MOB3A: variants seen among roughly 807,000 people sequenced by gnomAD.
MOB3A encodes MOB LAK.
Under a neutral mutation model 17.8 loss-of-function variants are expected in MOB3A, and 17 were observed. The observed-to-expected ratio is 0.95, with a 90% CI of 0.65 to 1.43. MOB3A has a LOEUF of 1.43. Among genes scored for constraint, MOB3A ranks in the 40% most tolerant of loss-of-function variants. The pLI is 0.00. For missense variants in MOB3A, 333 were observed against 310.8 expected (o/e 1.07, Z -0.54); for synonymous variants, 124 against 133.2 (o/e 0.93, Z 0.48).
At chr19:2,087,960 G>A (rs1277725996) in intron 1 of MOB3A, among the ~76,000 whole-genome samples, 1 of 152,252 alleles carries the variant, frequency 6.6e-6, no homozygotes, top group East Asian at 1.9e-4. Context: ...CAGGAGCCAT[G>A]CTCTGAGCCC....
chr19:2,085,042 T>C (rs940048255), intron 2 of MOB3A, 133 bp downstream of exon 2: 1 of 152,102 alleles, frequency 6.6e-6, no homozygotes, highest in African/African-American at 2.4e-5. Flanking sequence ...GCGTTTTCTA[T>C]CAGGAACAAA....
intron 4 of MOB3A, among the ~76,000 whole-genome samples, chr19:2,075,175 C>A (rs1039126387): frequency 4.6e-5 from 7 of 152,182 alleles, no homozygotes; most frequent in African/African-American, 1.4e-4. Flanking sequence ...ACCACAGGCA[C>A]GCACCACTGT....
intron 4 of MOB3A, among the ~76,000 whole-genome samples, chr19:2,075,020 A>G (rs1297495614): frequency 6.9e-6 from 1 of 145,620 alleles, no homozygotes; most frequent in African/African-American, 2.5e-5. Context: ...CCGGGCCTTA[A>G]TCTTTTCTTT....
chr19:2,090,869 A>G (rs1479955721), intron 1 of MOB3A, among the ~76,000 whole-genome samples: 2 of 152,126 alleles, frequency 1.3e-5, no homozygotes, highest in African/African-American at 4.8e-5. Flanking sequence ...TCACCGTGTT[A>G]GTCAGGATGG....
rs2017359204 is a variant in MOB3A at position 2,073,090 on chromosome 19, C to A, written c.*305G>T. 1 of 476,862 alleles carries A rather than the reference C, an allele frequency of 2.1e-6. No individual in the cohort carries two copies. The highest frequency in any genetic ancestry group is 2.0e-5 in the African/African-American group (1 of 50,660). 29.5% of individuals were successfully genotyped at this position (476,862 alleles called of 1,614,324 possible). A position where few individuals can be genotyped will look rare whatever the true frequency, so the allele number is the denominator to read the frequency against. ...CCAGGGCAAGGAGTGACCCTGGAAG[C>A]CATCCAGCCTCCTGGAAAGTGGAAG... On this transcript the variant is annotated 3_prime_UTR_variant, in exon 5 of 5. Coordinates refer to ENST00000357066, the MANE Select transcript of MOB3A (RefSeq NM_130807.3).
At chr19:2,076,259 CCT>C (rs1168397925) in intron 4 of MOB3A, among the ~76,000 whole-genome samples, 2 of 150,718 alleles carry the variant, frequency 1.3e-5, no homozygotes, top group Admixed American at 6.6e-5. Flanking sequence ...GGTGAAACCC[CCT>C]CTCTCCTAAA....
chr19:2,077,187 G>A (rs530260093), intron 3 of MOB3A, among the ~76,000 whole-genome samples, 174 bp from the exon 4 acceptor site: 2 of 152,268 alleles, frequency 1.3e-5, no homozygotes, highest in African/African-American at 2.4e-5. Context: ...GATCACTTGA[G>A]GTCTGGAGTT....
chr19:2,073,551 A>C, intron 4 of MOB3A, 127 bp from the exon 5 acceptor site: 1 of 1,221,466 alleles, frequency 8.2e-7, no homozygotes, highest in Non-Finnish European at 1.2e-6. Context: ...CACCCAAACA[A>C]CAAAAACCAC....
Position 2,093,114 on chromosome 19 carries a change from C to G in MOB3A, c.-274+3112G>C, listed in dbSNP as rs1358859591. Among the ~76,000 whole-genome samples the G allele has an allele frequency of 6.6e-5, 10 of 152,118 alleles. No homozygotes were observed. Among genetic ancestry groups the G allele is most frequent in the South Asian group, 6.2e-4 (3 of 4,826 alleles). On this transcript the variant is annotated intron_variant, in intron 1 of 4. Coordinates refer to ENST00000357066, the MANE Select transcript of MOB3A (RefSeq NM_130807.3). The surrounding 1 kb of genome is among the most constrained non-coding windows in gnomAD (Gnocchi z 4.6). ...GCTGTGTGGGGAATTTTTCTGAAACCTCCACCATCAGGTCCCTAAGGTGGG... is the reference window on the plus strand; with the variant it reads ...GCTGTGTGGGGAATTTTTCTGAAACGTCCACCATCAGGTCCCTAAGGTGGG...
intron 2 of MOB3A, among the ~76,000 whole-genome samples, chr19:2,081,339 G>T (rs575451120): frequency 6.6e-6 from 1 of 152,182 alleles, no homozygotes; most frequent in Non-Finnish European, 1.5e-5. Context: ...TGTAATCCCG[G>T]CACTTTGGGA....
chr19:2,077,004 A>G lies in MOB3A; in HGVS notation c.431T>C (p.Phe144Ser), dbSNP rs1568251741. 2 of 1,613,052 alleles carry G rather than the reference A, an allele frequency of 1.2e-6. No individual in the cohort carries two copies. The highest frequency in any genetic ancestry group is 8.5e-7 in the Non-Finnish European group (1 of 1,179,738). ...DLFPTNVGTP[F>S]PKNFLQTVRK... The stretch of plus-strand genomic sequence containing the variant: ...CACCGTCTGCAGGAAGTTCTTGGGA[A>G]ACGGAGTGCCTGCAGGGAGAGGGGT... Residue 144 changes from phenylalanine (F) to serine (S), a missense_variant, in exon 4 of 5, where the codon TTT becomes TCT. By Grantham distance (155) the Phe-to-Ser change is radical. Transcript: ENST00000357066.
rs547088746 is a variant in MOB3A, at chr19:2,080,636, A to T, written c.-119-1957T>A. 1.1e-4 allele frequency among the ~76,000 whole-genome samples: 16 copies of T among 152,198 alleles called. No individual in the cohort carries two copies. The South Asian group carries it at 2.7e-3, about 26-fold the overall frequency. The stretch of plus-strand genomic sequence containing the variant: ...ATCTGATCCGCCCACCTTGGCCTCC[A>T]AAGTGCTGGGATTGCAAGCGAGCAC... On this transcript the variant is annotated intron_variant, in intron 2 of 4. Transcript: ENST00000357066.
intron 2 of MOB3A, among the ~76,000 whole-genome samples, chr19:2,084,901 T>TA (rs1193000975): frequency 6.6e-6 from 1 of 151,964 alleles, no homozygotes; most frequent in East Asian, 1.9e-4. Context: ...GTTTTTTTTT[T>TA]ATTTAGAGAC....
In MOB3A at chr19:2,085,313, T is replaced by C. The variant is rs2017539769; in HGVS notation, c.-258A>G. 6.6e-6 allele frequency: 1 copy of C among 151,652 alleles called. No individual in the cohort carries two copies. Among genetic ancestry groups the C allele is most frequent in the South Asian group, 2.1e-4 (1 of 4,792 alleles). 9.4% of individuals were successfully genotyped at this position (151,652 alleles called of 1,614,324 possible). A position where few individuals can be genotyped will look rare whatever the true frequency, so the allele number is the denominator to read the frequency against. On this transcript the variant is annotated 5_prime_UTR_variant, in exon 2 of 5. Coordinates refer to ENST00000357066, the MANE Select transcript of MOB3A (RefSeq NM_130807.3). ...GGTCTTCCCACGGACGAGACACAAG[T>C]GACCCTTGGAAACTTCTAGAGAAAT...
intron 3 of MOB3A, 76 bp downstream of exon 3, chr19:2,078,064 G>A (rs529684102): frequency 1.9e-4 from 261 of 1,409,944 alleles, no homozygotes; most frequent in Non-Finnish European, 2.3e-4. Flanking sequence ...CATTACGGGT[G>A]TGAGCCACTG....
At chr19:2,084,228 C>T (rs1406064691) in intron 2 of MOB3A, 1 of 459,764 alleles carries the variant, frequency 2.2e-6, no homozygotes, top group Non-Finnish European at 4.4e-6. Context: ...CGAGGTGGCT[C>T]ATGCCTGTAA....
chr19:2,089,398 G>A (rs916811859), intron 1 of MOB3A, among the ~76,000 whole-genome samples: 4 of 152,170 alleles, frequency 2.6e-5, no homozygotes, highest in African/African-American at 7.2e-5. Flanking sequence ...GGACATCGGC[G>A]TGGGTCACTC....
intron 1 of MOB3A, among the ~76,000 whole-genome samples, chr19:2,091,545 A>C (rs1169788107): frequency 6.6e-6 from 1 of 151,138 alleles, no homozygotes; most frequent in Non-Finnish European, 1.5e-5. Context: ...CACTACGCCC[A>C]GCTAATTTTT....
In MOB3A at chr19:2,082,703, C is replaced by A. The variant is rs1017241535; in HGVS notation, c.-120+2472G>T. Reference sequence around the variant, plus strand: ...GCGCTGCTCCACCACGGGGCCCCTCCACTGCCTAGCAGAGCCACGTGGATG... The same window carrying A: ...GCGCTGCTCCACCACGGGGCCCCTCAACTGCCTAGCAGAGCCACGTGGATG... On this transcript the variant is annotated intron_variant, in intron 2 of 4. Coordinates refer to ENST00000357066, the MANE Select transcript of MOB3A (RefSeq NM_130807.3). This position sits in a 1 kb window ranked among gnomAD's most constrained non-coding sequence, Gnocchi z 4.1. 6.6e-6 allele frequency among the ~76,000 whole-genome samples: 1 copy of A among 152,196 alleles called. No individual in the cohort carries two copies. The highest frequency in any genetic ancestry group is 2.4e-5 in the African/African-American group (1 of 41,456).
Sources: gnomAD v4.1 joint callset for allele counts (sites outside exome capture counted in the v4.1 genomes callset) on GRCh38, gnomAD v4.1.1 for gene constraint, Gnocchi (gnomAD v3.1) non-coding constraint, MANE v1.5 for transcripts, NCBI Gene and HGNC (gene_info 2026-07-23, HGNC 2026-07-21) for gene names.